RIF1: variants seen among roughly 807,000 people sequenced by gnomAD.
RIF1 encodes the protein telomere-associated protein RIF1.
A neutral mutation model predicts 247.1 loss-of-function variants in RIF1; 45 were observed. The observed-to-expected ratio is 0.18, with a 90% CI of 0.14 to 0.23. RIF1 has a LOEUF of 0.23. Among genes scored for constraint, RIF1 ranks in the 10% least tolerant of loss-of-function variants. The probability of loss-of-function intolerance (pLI) is 1.00; values close to 1 mark genes in which losing one functional copy is unlikely to be tolerated. For missense variants in RIF1, 2,967 were observed against 2,862.5 expected (o/e 1.04, Z -0.83); for synonymous variants, 1,087 against 978.8 (o/e 1.11, Z -2.06).
intron 25 of RIF1, among the ~76,000 whole-genome samples, chr2:151,459,119 T>C (rs1695708685): frequency 6.6e-6 from 1 of 152,226 alleles, no homozygotes; most frequent in Admixed American, 6.5e-5. Context: ...ATCATTTGTT[T>C]TGAACTCGGG....
At chr2:151,415,247 T>C (rs1017332038) in intron 4 of RIF1, among the ~76,000 whole-genome samples, 22 of 151,324 alleles carry the variant, frequency 1.5e-4, no homozygotes, top group African/African-American at 4.6e-4. Flanking sequence ...CTCGGGAGGC[T>C]GAGGCAGGAG....
intron 10 of RIF1, chr2:151,496,284 T>C: frequency 6.2e-7 from 1 of 1,608,256 alleles, no homozygotes; most frequent in South Asian, 1.1e-5. Flanking sequence ...ACCGAGCTAA[T>C]ATTTTCTTGA....
At chr2:151,525,023 C>G in the RIF1 span, 1 of 711,938 alleles carries the variant, frequency 1.4e-6, no homozygotes. Context: ...TTTCCTTAAA[C>G]CCAAACCAAT....
downstream of RIF1, among the ~76,000 whole-genome samples, chr2:151,511,334 A>G (rs911024622): frequency 6.6e-6 from 1 of 152,222 alleles, no homozygotes; most frequent in African/African-American, 2.4e-5. Context: ...CCTGCTTCCT[A>G]ATCAAACCAC....
intron 6 of RIF1, among the ~76,000 whole-genome samples, chr2:151,419,640 T>C (rs2152144122): frequency 6.6e-6 from 1 of 152,254 alleles, no homozygotes; most frequent in East Asian, 1.9e-4. Flanking sequence ...TTATTATCAT[T>C]ATCATATAGT....
the RIF1 span, among the ~76,000 whole-genome samples, chr2:151,518,017 CTGGGGCACAAACCCA>C: frequency 6.6e-6 from 1 of 152,132 alleles, no homozygotes; most frequent in Non-Finnish European, 1.5e-5. Context: ...GTTCCCTAAC[CTGGGGCACAAACCCA>C]TGGGGCACAT....
chr2:151,497,941 C>CATG, intron 10 of RIF1: 1 of 1,446,350 alleles, frequency 6.9e-7, no homozygotes, highest in Non-Finnish European at 9.0e-7. Flanking sequence ...CAGAGTTATC[C>CATG]ATGTTATTTT....
Position 151,468,091 on chromosome 2 carries a change from C to T in RIF1, c.6692C>T (p.Ser2231Phe), listed in dbSNP as rs776302867. The T allele has an allele frequency of 1.9e-6, 3 of 1,613,292 alleles. No homozygotes were observed. The highest frequency in any genetic ancestry group is 2.5e-6 in the Non-Finnish European group (3 of 1,179,404). Residue 2231 changes from serine to phenylalanine, a missense_variant, in exon 31 of 36, where the codon TCC becomes TTC. Ser to Phe is a radical substitution (Grantham distance 155). Around this residue, in one of 7 missense-constraint regions of RIF1, gnomAD observed 2,028 missense variants for 1,825.6 expected, o/e 1.11. Coordinates refer to ENST00000444746, the MANE Select transcript of RIF1 (RefSeq NM_018151.5). ...TGCTCTATTGTTAGGTCCCATTCTT[C>T]CAATAGTTCTCCCATAGGAAAAAGT... ...RRCSIVRSHSSNSSPIGKSVK... is the reference protein window; with the variant it reads ...RRCSIVRSHSFNSSPIGKSVK...
At chr2:151,499,080 GAATAT>G (rs1324981240) in intron 10 of RIF1, among the ~76,000 whole-genome samples, 1 of 152,130 alleles carries the variant, frequency 6.6e-6, no homozygotes. Flanking sequence ...GTAAAAGCAG[GAATAT>G]AATACTGAAC....
At chr2:151,467,515 T>C (rs1423548388) in intron 30 of RIF1, among the ~76,000 whole-genome samples, 1 of 152,050 alleles carries the variant, frequency 6.6e-6, no homozygotes, top group African/African-American at 2.4e-5. Context: ...CAGCTAATTT[T>C]TGTACTTTTA....
rs941426217 is a variant in RIF1 at position 151,497,599 on chromosome 2, AG to A, written c.*514-1745del. On this transcript the variant is annotated intron_variant and NMD_transcript_variant, in intron 10 of 13. Transcript: ENST00000454583. ...AAGTTTTCAAAATCATTAAATAAGTAGTTTTTTTCTTTTCTTGCCAAAGTAC... is the reference window on the plus strand; with the variant it reads ...AAGTTTTCAAAATCATTAAATAAGTATTTTTTTCTTTTCTTGCCAAAGTAC... The A allele has an allele frequency of 3.2e-6, 5 of 1,546,648 alleles. No individual in the cohort carries two copies. In the African/African-American group the frequency reaches 6.9e-5, roughly 21 times the overall value.
chr2:151,459,570 A>G (rs1205137624), intron 25 of RIF1, among the ~76,000 whole-genome samples: 3 of 152,186 alleles, frequency 2.0e-5, no homozygotes, highest in African/African-American at 7.2e-5. Context: ...GTTCAGTGGA[A>G]TGTGGTCTGT....
chr2:151,420,116 T>C, intron 6 of RIF1, 74 bp from the exon 7 acceptor site: 2 of 1,290,626 alleles, frequency 1.5e-6, no homozygotes, highest in Non-Finnish European at 2.2e-6. Flanking sequence ...ATATTTCTGT[T>C]TCACCTATTT....
rs1218165252 is a variant in RIF1 at position 151,446,551 on chromosome 2, C to G, written c.2220C>G (p.Ser740=). The G allele has an allele frequency of 6.2e-7, 1 of 1,612,780 alleles. No homozygotes were observed. The highest frequency in any genetic ancestry group is 8.5e-7 in the Non-Finnish European group (1 of 1,179,802). ...AGGAACTTTCTTCCAAGATAATGTCCAGTTTGGAAGATGAAGGCTTTTCTG... is the reference window on the plus strand; with the variant it reads ...AGGAACTTTCTTCCAAGATAATGTCGAGTTTGGAAGATGAAGGCTTTTCTG... ...CCEELSSKIM[S]SLEDEGFSNL... is the part of the protein sequence containing the mutation. Residue 740 remains serine, a synonymous_variant, in exon 20 of 36, where the codon TCC becomes TCG. Coordinates refer to ENST00000444746, the MANE Select transcript of RIF1 (RefSeq NM_018151.5).
intron 22 of RIF1, 82 bp downstream of exon 22, chr2:151,455,241 G>A (rs1385076394): frequency 8.6e-6 from 9 of 1,046,860 alleles, no homozygotes; most frequent in African/African-American, 6.4e-5. Flanking sequence ...TTAATCAGCT[G>A]TGTTGTAGAT....
At position 151,493,380 on chromosome 2, in the gene RIF1, A is replaced by G. The variant is rs1057524338; in HGVS notation, c.*416-1849A>G. ...AGCTAATGTTTTCTTGGTTGCGCTT[A>G]GCTCTCTCCATCTCTGGAGTAACAG... is the stretch of plus-strand genomic sequence containing the variant. On this transcript the variant is annotated intron_variant and NMD_transcript_variant, in intron 9 of 13. Coordinates refer to the RIF1 transcript ENST00000454583. The G allele has an allele frequency of 9.3e-6, 15 of 1,612,058 alleles. No homozygotes were observed. The East Asian group carries it at 2.5e-4, about 26-fold the overall frequency.
At chr2:151,451,524 TTA>T (rs1491461922) in intron 20 of RIF1, 80 bp from the exon 21 acceptor site, 2 of 744,828 alleles carry the variant, frequency 2.7e-6, no homozygotes, top group African/African-American at 1.7e-5. Flanking sequence ...AGTAACAGTC[TTA>T]TATTTTTTCA....
chr2:151,485,500 T>C (rs561703073), downstream of RIF1: 1 of 321,172 alleles, frequency 3.1e-6, no homozygotes, highest in African/African-American at 2.1e-5. Context: ...AATCCCTGTT[T>C]TAGAAAAGAA....
intron 20 of RIF1, among the ~76,000 whole-genome samples, chr2:151,449,542 C>T (rs1300062190): frequency 6.6e-6 from 1 of 152,112 alleles, no homozygotes; most frequent in Non-Finnish European, 1.5e-5. Context: ...GCCTCCACCT[C>T]CTGGGTTCAA....
Sources: allele counts gnomAD v4.1 joint callset (sites outside exome capture counted in the v4.1 genomes callset), GRCh38; gene constraint gnomAD v4.1.1; regional missense constraint gnomAD v4.1.1; transcripts MANE v1.5; gene names NCBI Gene and HGNC (gene_info 2026-07-23, HGNC 2026-07-21).